The following PAN3 variants were observed in gnomAD, a reference collection of about 807,000 sequenced individuals.
PAN3 encodes the protein PAN2-PAN3 deadenylation complex subunit PAN3.
A neutral mutation model predicts 96.2 loss-of-function variants in PAN3; 19 were observed. The observed-to-expected ratio is 0.20, with a 90% CI of 0.14 to 0.29. The LOEUF (loss-of-function observed/expected upper bound fraction) is 0.29, where lower values mean the gene tolerates loss of function less well. Among genes scored for constraint, PAN3 ranks in the 10% least tolerant of loss-of-function variants. The probability of loss-of-function intolerance (pLI) is 1.00; values close to 1 mark genes in which losing one functional copy is unlikely to be tolerated. For missense variants in PAN3, 882 were observed against 1,108.1 expected (o/e 0.80, Z 2.90); for synonymous variants, 433 against 406.6 (o/e 1.06, Z -0.78).
chr13:28,188,269 C>T (rs1235113862), intron 4 of PAN3, among the ~76,000 whole-genome samples: 1 of 151,874 alleles, frequency 6.6e-6, no homozygotes, highest in Admixed American at 6.6e-5. Flanking sequence ...GCAACCTCCT[C>T]TGACTCCTAA....
intron 6 of PAN3, among the ~76,000 whole-genome samples, chr13:28,242,375 T>G (rs1350960620): frequency 1.3e-5 from 2 of 152,204 alleles, no homozygotes; most frequent in Non-Finnish European, 2.9e-5. Flanking sequence ...CTAATCCATT[T>G]TTTTTCAACA....
chr13:28,198,574 C>A (rs1321027348), intron 5 of PAN3, among the ~76,000 whole-genome samples: 1 of 151,864 alleles, frequency 6.6e-6, no homozygotes, highest in African/African-American at 2.4e-5. Context: ...TTTTGAAGTA[C>A]CAACAAAAAA....
rs1356421855 is a variant in PAN3 at position 28,267,156 on chromosome 13, C to G, written c.1635C>G (p.His545Gln). Residue 545 changes from histidine to glutamine, a missense_variant, in exon 11 of 19, where the codon CAC (histidine) becomes CAG (glutamine). Physicochemically the swap from His to Gln is conservative, Grantham distance 24. Transcript: ENST00000380958. ...TCGACATGTGGAAGAAAATTCAACA[C>G]TCAAATATCGTAACTTTGCGTGAAG... ...VLVDMWKKIQ[H>Q]SNIVTLREVF... The G allele has an allele frequency of 6.2e-7, 1 of 1,613,104 alleles. No homozygotes were observed. The highest frequency in any genetic ancestry group is 1.1e-5 in the South Asian group (1 of 91,062).
intron 6 of PAN3, among the ~76,000 whole-genome samples, chr13:28,247,665 C>T (rs559105857): frequency 6.2e-4 from 95 of 152,268 alleles, no homozygotes; most frequent in African/African-American, 2.2e-3. Context: ...TTCCCAAACA[C>T]CATTTATTGA....
rs114856864 is a variant in PAN3, at chr13:28,193,847, G to T, written c.691-3338G>T. Among the ~76,000 whole-genome samples, 1,005 of 150,738 alleles carry T rather than the reference G, an allele frequency of 6.7e-3. 7 individuals are homozygous for T. The highest frequency in any genetic ancestry group is 0.022 in the African/African-American group (885 of 41,020). ...ACATAGAAAGTGAATTGTATTGACT[G>T]TAATAACTGTGTCAAAAGTACATTT... On this transcript the variant is annotated intron_variant, in intron 4 of 18. Transcript: ENST00000380958.
intron 1 of PAN3, among the ~76,000 whole-genome samples, chr13:28,149,018 C>T (rs78722162): frequency 0.015 from 2,343 of 151,728 alleles, 49 homozygotes; most frequent in African/African-American, 0.053. Context: ...ACTTAAGGAG[C>T]ATATAGAGTC....
intron 5 of PAN3, among the ~76,000 whole-genome samples, chr13:28,209,385 C>G (rs1879765187): frequency 1.3e-5 from 2 of 152,260 alleles, no homozygotes; most frequent in Admixed American, 1.3e-4. Context: ...CATTCCCTCT[C>G]AGGCATAAGG....
At chr13:28,217,104 ACT>A (rs368880264) in intron 5 of PAN3, among the ~76,000 whole-genome samples, 1 of 146,050 alleles carries the variant, frequency 6.8e-6, no homozygotes, top group Non-Finnish European at 1.5e-5. Flanking sequence ...ACAGAGTAAA[ACT>A]CTGTCTCAAA....
chr13:28,203,409 T>G (rs1322415899), intron 5 of PAN3, among the ~76,000 whole-genome samples: 1 of 152,114 alleles, frequency 6.6e-6, no homozygotes, highest in Non-Finnish European at 1.5e-5. Context: ...GCTTAAGCAG[T>G]TCTCCCACTT....
rs545989033 is a variant in PAN3 at position 28,267,477 on chromosome 13, A to G, written c.1792+76A>G. ...TGGAAGAGTAGTTTTCTATTTTAAA[A>G]TACGTATAATTTTTCCCTGTAATCA... On this transcript the variant is annotated intron_variant, in intron 12 of 18. Transcript: ENST00000380958. 3.4e-6 allele frequency: 4 copies of G among 1,190,578 alleles called. No individual in the cohort carries two copies. The South Asian group carries it at 5.3e-5, about 16-fold the overall frequency. The allele number at this position is 1,190,578 out of a possible 1,614,324, so 73.8% of individuals were successfully genotyped here. A position where few individuals can be genotyped will look rare whatever the true frequency, so the allele number is the denominator to read the frequency against.
intron 2 of PAN3, 110 bp downstream of exon 2, chr13:28,174,503 G>A (rs900634309): frequency 2.3e-5 from 29 of 1,250,334 alleles, no homozygotes; most frequent in Admixed American, 5.0e-5. Flanking sequence ...GAGATTTTAG[G>A]AGGCAGTGAG....
At chr13:28,288,269 A>G (rs1049363613) in intron 18 of PAN3, 147 bp downstream of exon 18, 7 of 704,388 alleles carry the variant, frequency 9.9e-6, no homozygotes, top group Admixed American at 7.0e-5. Context: ...ATTTTCTACA[A>G]TGGGAGGATT....
chr13:28,287,553 A>G (rs192457998), intron 17 of PAN3, among the ~76,000 whole-genome samples: 3 of 152,356 alleles, frequency 2.0e-5, no homozygotes, highest in African/African-American at 7.2e-5. Context: ...TTCACATGGA[A>G]TGGTAGGAAA....
At chr13:28,205,792 A>C (rs913667309) in intron 5 of PAN3, among the ~76,000 whole-genome samples, 8 of 151,720 alleles carry the variant, frequency 5.3e-5, no homozygotes, top group Non-Finnish European at 1.2e-4. Context: ...CTGTGATTGC[A>C]CTGTTGCACT....
chr13:28,211,085 G>T (rs1486916940), intron 5 of PAN3, among the ~76,000 whole-genome samples: 1 of 151,036 alleles, frequency 6.6e-6, no homozygotes, highest in Non-Finnish European at 1.5e-5. Context: ...TTTTTTTGTA[G>T]AGAGAGTGTC....
At chr13:28,282,122 A>G (rs1887523047) in intron 17 of PAN3, among the ~76,000 whole-genome samples, 1 of 152,208 alleles carries the variant, frequency 6.6e-6, no homozygotes, top group African/African-American at 2.4e-5. Context: ...TTGGAAAGGC[A>G]TTACCTTTTA....
At chr13:28,214,076 A>T (rs1880423525) in intron 5 of PAN3, among the ~76,000 whole-genome samples, 2 of 152,090 alleles carry the variant, frequency 1.3e-5, no homozygotes, top group Non-Finnish European at 2.9e-5. Flanking sequence ...TGACAAAGCA[A>T]TACCCTGTCT....
chr13:28,203,523 G>A (rs370523371), intron 5 of PAN3, among the ~76,000 whole-genome samples: 20 of 151,628 alleles, frequency 1.3e-4, no homozygotes, highest in African/African-American at 3.4e-4. Context: ...TGCTCAGGCC[G>A]GTCTTGAACT....
chr13:28,277,422 T>C (rs774683824), intron 15 of PAN3, 46 bp downstream of exon 15: 2 of 1,557,474 alleles, frequency 1.3e-6, no homozygotes, highest in Admixed American at 4.2e-5. Context: ...TTATTTGCGA[T>C]AAGACAGAGC....
Sources: gnomAD v4.1 joint callset for allele counts (sites outside exome capture counted in the v4.1 genomes callset) on GRCh38, gnomAD v4.1.1 for gene constraint, MANE v1.5 for transcripts, NCBI Gene and HGNC (gene_info 2026-07-23, HGNC 2026-07-21) for gene names.